The following DMXL2 variants were observed in gnomAD, a reference collection of about 807,000 sequenced individuals.
DMXL2 encodes dmX-like protein 2.
In DMXL2, 103 loss-of-function variants were observed where a neutral mutation model predicts 331.1. The ratio of observed to expected loss-of-function variants is 0.31; its 90% CI spans 0.27 to 0.37. The LOEUF is 0.37. Ranked by LOEUF, DMXL2 falls within the 10% of genes least tolerant of loss-of-function variation. The pLI, the probability that DMXL2 is intolerant of heterozygous loss-of-function variation, is 1.00. For missense variants in DMXL2, 3,171 were observed against 3,642.9 expected, an observed-to-expected ratio of 0.87 and a Z score of 3.33; for synonymous variants, 1,281 against 1,252.1, an observed-to-expected ratio of 1.02 and a Z score of -0.49.
In DMXL2 at chr15:51,450,167, C is replaced by T. The variant is rs1193345361; in HGVS notation, c.8929G>A (p.Glu2977Lys). ...IKALALDPYE[E>K]YFTTGSAEGN... The stretch of plus-strand genomic sequence containing the variant: ...TCTGCTGAACCTGTGGTAAAATATT[C>T]CTCATAGGGATCCAAGGCCAGAGCC... Residue 2977 changes from glutamate to lysine, a missense_variant, in exon 43 of 44, where the codon GAA (glutamate) becomes AAA (lysine). Coordinates refer to ENST00000560891, the MANE Select transcript of DMXL2 (RefSeq NM_001378457.1). 1 of 1,613,938 alleles carries T rather than the reference C, an allele frequency of 6.2e-7. No individual in the cohort carries two copies. Among genetic ancestry groups the T allele is most frequent in the South Asian group, 1.1e-5 (1 of 91,044 alleles).
chr15:51,562,680 A>G (rs2050044024), intron 6 of DMXL2, among the ~76,000 whole-genome samples: 1 of 152,206 alleles, frequency 6.6e-6, no homozygotes, highest in African/African-American at 2.4e-5. Flanking sequence ...AAACAAAGCA[A>G]TTACTATCTC....
At position 51,458,577 on chromosome 15, in the gene DMXL2, A is replaced by T; in HGVS notation, c.8127T>A (p.Leu2709=). The T allele has an allele frequency of 6.2e-7, 1 of 1,613,994 alleles. No homozygotes were observed. The highest frequency in any genetic ancestry group is 8.5e-7 in the Non-Finnish European group (1 of 1,179,876). ...VLASTHDVQE[L]DVTSLLACQS... Reference sequence around the variant, plus strand: ...GACAGGCCAGTAGAGAAGTAACATCAAGTTCTTGAACATCATGTGTTGAAG... The same window carrying T: ...GACAGGCCAGTAGAGAAGTAACATCTAGTTCTTGAACATCATGTGTTGAAG... The change falls in exon 36 of 44, where the codon CTT becomes CTA. Residue 2709 remains leucine (L), a synonymous_variant. Transcript: ENST00000560891.
chr15:51,523,914 A>C lies in DMXL2; in HGVS notation c.2437-6747T>G, dbSNP rs138629421. 7.2e-5 allele frequency among the ~76,000 whole-genome samples: 11 copies of C among 152,386 alleles called. No homozygotes were observed. The East Asian group carries it at 2.1e-3, about 29-fold the overall frequency. On this transcript the variant is annotated intron_variant, in intron 13 of 43. Coordinates refer to ENST00000560891, the MANE Select transcript of DMXL2 (RefSeq NM_001378457.1). ...TGCAATACCTCGCTCTCAAGACTTG[A>C]TAGAATGATTAGGGAGAAAATCAGT...
Position 51,480,711 on chromosome 15 carries a change from CTTCT to C in DMXL2, c.6391_6394del (p.Arg2131GlufsTer24). The C allele has an allele frequency of 6.2e-7, 1 of 1,608,306 alleles. No homozygotes were observed. The highest frequency in any genetic ancestry group is 8.5e-7 in the Non-Finnish European group (1 of 1,176,552). On this transcript the variant is annotated frameshift_variant, in exon 24 of 44. Transcript: ENST00000560891. LOFTEE classifies it high-confidence loss of function. ...ATGCTCTCGTTTGGCCTGCAATCTT[CTTCT>C]TTCTATTTGATGGCGCTCATAGGAA...
rs760821615 is a variant in DMXL2, at chr15:51,481,102, C to G, written c.6004G>C (p.Asp2002His). 6.2e-7 allele frequency: 1 copy of G among 1,613,142 alleles called. No homozygotes were observed. Among genetic ancestry groups the G allele is most frequent in the South Asian group, 1.1e-5 (1 of 91,002 alleles). Reference protein sequence around the residue: ...DAVGLVMKSTDAREKDKQSDQ... With the variant: ...DAVGLVMKSTHAREKDKQSDQ... ...GATTGTTTATCTTTTTCCCTGGCAT[C>G]TGTACTTTTCATCACTAAACCAACA... The change falls in exon 24 of 44, where the codon GAT (aspartate) becomes CAT (histidine). Residue 2002 changes from aspartate to histidine, a missense_variant. Asp to His is a moderately conservative substitution (Grantham distance 81). This residue lies in a region of DMXL2 where 244 missense variants were observed against 251.4 expected (regional missense o/e 0.97). Coordinates refer to ENST00000560891, the MANE Select transcript of DMXL2 (RefSeq NM_001378457.1).
chr15:51,582,630 T>C (rs1240782400), intron 1 of DMXL2, among the ~76,000 whole-genome samples: 1 of 152,186 alleles, frequency 6.6e-6, no homozygotes, highest in Admixed American at 6.5e-5. Flanking sequence ...ATTAAAACCC[T>C]AGCTCTTTAT....
At chr15:51,500,844 T>G (rs1015204251) in intron 17 of DMXL2, among the ~76,000 whole-genome samples, 2 of 152,224 alleles carry the variant, frequency 1.3e-5, no homozygotes, top group Non-Finnish European at 2.9e-5. Context: ...GCACATCTGT[T>G]GTCAACTGTA....
At position 51,480,694 on chromosome 15, in the gene DMXL2, G is replaced by A; in HGVS notation, c.6412C>T (p.Arg2138Ter). The change falls in exon 24 of 44, where the codon CGA (arginine) becomes TGA (stop). Residue 2138 changes from arginine to a stop codon, truncating the protein, a stop_gained. Transcript: ENST00000560891. LOFTEE classifies it high-confidence loss of function. ...QIERRRLQAK[R>*]EHAERRKSWL... is the part of the protein sequence containing the mutation. Reference sequence around the variant, plus strand: ...GACTTTCGTCTTTCTGCATGCTCTCGTTTGGCCTGCAATCTTCTTCTTTCT... The same window carrying A: ...GACTTTCGTCTTTCTGCATGCTCTCATTTGGCCTGCAATCTTCTTCTTTCT... 1.9e-6 allele frequency: 3 copies of A among 1,612,026 alleles called. No individual in the cohort carries two copies. Among genetic ancestry groups the A allele is most frequent in the Non-Finnish European group, 2.5e-6 (3 of 1,178,604 alleles).
intron 18 of DMXL2, among the ~76,000 whole-genome samples, chr15:51,496,590 A>C (rs2140469911): frequency 6.6e-6 from 1 of 152,372 alleles, no homozygotes; most frequent in East Asian, 1.9e-4. Flanking sequence ...GGAGAGATTT[A>C]ATGTGATTTG....
chr15:51,563,839 T>A (rs1232821523), intron 5 of DMXL2, among the ~76,000 whole-genome samples: 2 of 152,068 alleles, frequency 1.3e-5, no homozygotes, highest in East Asian at 3.8e-4. Flanking sequence ...CTTCCCCCTC[T>A]CCATCCTTAC....
At position 51,501,270 on chromosome 15, in the gene DMXL2, C is replaced by G. The variant is rs78844349; in HGVS notation, c.2993-1039G>C. On this transcript the variant is annotated intron_variant, in intron 17 of 43. Transcript: ENST00000560891. ...ATCATTCACCAGTAATTTTAGCGGC[C>G]CCGAACCTCCAATTTTGGTTTCCCA... Among the ~76,000 whole-genome samples the G allele has an allele frequency of 2.7e-3, 409 of 152,192 alleles. 17 individuals carry two copies. In the East Asian group the frequency reaches 0.064, roughly 24 times the overall value.
chr15:51,509,863 C>T (rs184975881), intron 15 of DMXL2, among the ~76,000 whole-genome samples: 67 of 152,298 alleles, frequency 4.4e-4, no homozygotes, highest in Non-Finnish European at 7.5e-4. Context: ...CCACCACGAT[C>T]AAGTCGGCTT....
At chr15:51,533,443 AACC>A (rs1327547177) in intron 13 of DMXL2, among the ~76,000 whole-genome samples, 1 of 152,218 alleles carries the variant, frequency 6.6e-6, no homozygotes, top group African/African-American at 2.4e-5. Context: ...GAACAAATAG[AACC>A]ATAAGAAAAC....
At chr15:51,587,769 G>GT (rs2051968736) in intron 1 of DMXL2, among the ~76,000 whole-genome samples, 1 of 152,178 alleles carries the variant, frequency 6.6e-6, no homozygotes, top group Non-Finnish European at 1.5e-5. Flanking sequence ...GGTTGAACCA[G>GT]TTTACAGTCC....
At position 51,564,240 on chromosome 15, in the gene DMXL2, T is replaced by C. The variant is rs1238834364; in HGVS notation, c.385A>G (p.Thr129Ala). The C allele has an allele frequency of 2.5e-6, 4 of 1,591,756 alleles. No homozygotes were observed. The highest frequency in any genetic ancestry group is 3.4e-6 in the Non-Finnish European group (4 of 1,173,126). Residue 129 changes from threonine to alanine, a missense_variant, in exon 5 of 44, where the codon ACT (threonine) becomes GCT (alanine). By Grantham distance (58) the Thr-to-Ala change is moderately conservative. Coordinates refer to ENST00000560891, the MANE Select transcript of DMXL2 (RefSeq NM_001378457.1). ...GGAGCCCACAACTGAATAGAATCAG[T>C]TGCTGTCAACAATCTATTATCTGAA... Reference protein sequence around the residue: ...DPQDNRLLTATDSIQLWAPPG... With the variant: ...DPQDNRLLTAADSIQLWAPPG...
intron 6 of DMXL2, among the ~76,000 whole-genome samples, chr15:51,553,169 C>A (rs2049327099): frequency 6.6e-6 from 1 of 152,160 alleles, no homozygotes; most frequent in South Asian, 2.1e-4. Flanking sequence ...TTTTTTCTGT[C>A]TTTCCTCACC....
chr15:51,556,260 G>A (rs547677029), intron 6 of DMXL2, among the ~76,000 whole-genome samples: 9 of 149,688 alleles, frequency 6.0e-5, no homozygotes, highest in East Asian at 5.9e-4. Flanking sequence ...GGAGAATGGC[G>A]TGAACCCAGG....
Position 51,622,627 on chromosome 15 carries a change from T to TC in DMXL2, c.-83dup. ...CCCTCCTCGGGCTGCGAGAGCCGTT[T>TC]CCCTCTGTGCCTCCCTCGGAAACCC... On this transcript the variant is annotated 5_prime_UTR_variant, in exon 1 of 44. Coordinates refer to ENST00000560891, the MANE Select transcript of DMXL2 (RefSeq NM_001378457.1). 4.0e-6 allele frequency: 6 copies of TC among 1,485,252 alleles called. No individual in the cohort carries two copies. The highest frequency in any genetic ancestry group is 5.4e-6 in the Non-Finnish European group (6 of 1,112,502). The allele number at this position is 1,485,252 out of a possible 1,614,324, so 92.0% of individuals were successfully genotyped here. A position where few individuals can be genotyped will look rare whatever the true frequency, so the allele number is the denominator to read the frequency against.
chr15:51,590,312 G>T (rs2052196466), intron 1 of DMXL2, among the ~76,000 whole-genome samples: 1 of 152,202 alleles, frequency 6.6e-6, no homozygotes, highest in African/African-American at 2.4e-5. Context: ...AGAGGCCAGG[G>T]AAGTCACTGT....
Sources: allele counts gnomAD v4.1 joint callset (sites outside exome capture counted in the v4.1 genomes callset), GRCh38; gene constraint gnomAD v4.1.1; regional missense constraint gnomAD v4.1.1; transcripts MANE v1.5; gene names NCBI Gene and HGNC (gene_info 2026-07-23, HGNC 2026-07-21).